The following GPC5 variants were observed in gnomAD, a reference collection of about 807,000 sequenced individuals.
GPC5 encodes the protein glypican-5.
GPC5 carries 47 observed loss-of-function variants against 53.9 expected under a neutral mutation model. The ratio of observed to expected loss-of-function variants is 0.87; its 90% CI spans 0.69 to 1.11. The LOEUF (loss-of-function observed/expected upper bound fraction) is 1.11, where lower values mean the gene tolerates loss of function less well. GPC5 is among the 50% of genes most tolerant of loss of function. GPC5 has a pLI of 0.00. For synonymous variants in GPC5, 286 were observed against 263.3 expected (o/e 1.09, Z -0.84); for missense variants, 748 against 713.1 (o/e 1.05, Z -0.56).
At chr13:92,732,869 T>A (rs1307870343) in intron 7 of GPC5, among the ~76,000 whole-genome samples, 1 of 151,690 alleles carries the variant, frequency 6.6e-6, no homozygotes, top group Non-Finnish European at 1.5e-5. Context: ...TAATTCCTGA[T>A]GTGATCATTT....
At chr13:92,518,576 C>G (rs1391759591) in intron 7 of GPC5, among the ~76,000 whole-genome samples, 1 of 152,142 alleles carries the variant, frequency 6.6e-6, no homozygotes, top group African/African-American at 2.4e-5. Flanking sequence ...CAAGCAAATG[C>G]TGAGAGATTT....
chr13:92,192,448 T>G (rs1304867802), intron 7 of GPC5, among the ~76,000 whole-genome samples: 1 of 152,208 alleles, frequency 6.6e-6, no homozygotes, highest in African/African-American at 2.4e-5. Context: ...AAGGAAATTA[T>G]CCAACATTTT....
intron 7 of GPC5, among the ~76,000 whole-genome samples, chr13:92,473,304 T>C (rs1594231667): frequency 6.6e-6 from 1 of 152,106 alleles, no homozygotes; most frequent in Non-Finnish European, 1.5e-5. Context: ...TCAGGAGTTA[T>C]GGGTTGCAAT....
intron 2 of GPC5, among the ~76,000 whole-genome samples, chr13:91,658,650 A>G (rs957098037): frequency 6.6e-6 from 1 of 152,154 alleles, no homozygotes; most frequent in Non-Finnish European, 1.5e-5. Flanking sequence ...TTTCTGACTA[A>G]TATAATTACT....
At chr13:91,867,458 CAT>C (rs2039097598) in intron 5 of GPC5, among the ~76,000 whole-genome samples, 1 of 152,136 alleles carries the variant, frequency 6.6e-6, no homozygotes, top group Non-Finnish European at 1.5e-5. Flanking sequence ...CTTACTAAAA[CAT>C]AGAAAAGAAA....
chr13:92,556,313 A>T (rs1412216912), intron 7 of GPC5, among the ~76,000 whole-genome samples: 1 of 151,872 alleles, frequency 6.6e-6, no homozygotes, highest in Non-Finnish European at 1.5e-5. Flanking sequence ...GCAGGAGACT[A>T]AACATTTAGA....
chr13:92,645,306 G>A (rs1219038925), intron 7 of GPC5, among the ~76,000 whole-genome samples: 1 of 151,992 alleles, frequency 6.6e-6, no homozygotes, highest in Non-Finnish European at 1.5e-5. Context: ...CACCATGCCT[G>A]GCTAATTTCT....
chr13:91,799,799 A>G (rs1287277888), intron 5 of GPC5, among the ~76,000 whole-genome samples: 2 of 152,228 alleles, frequency 1.3e-5, no homozygotes, highest in East Asian at 3.8e-4. Flanking sequence ...CAGTTTGAGA[A>G]CAAACTCAGT....
At chr13:92,104,784 CAG>C (rs2041495067) in intron 6 of GPC5, among the ~76,000 whole-genome samples, 1 of 152,090 alleles carries the variant, frequency 6.6e-6, no homozygotes, top group Non-Finnish European at 1.5e-5. Flanking sequence ...CTTTGTGCCT[CAG>C]AGGTCCTTAC....
At chr13:91,557,444 C>T (rs1474421392) in intron 2 of GPC5, among the ~76,000 whole-genome samples, 1 of 152,112 alleles carries the variant, frequency 6.6e-6, no homozygotes. Context: ...GTACCTGCCT[C>T]TAAGCTTCAT....
chr13:91,861,459 G>A (rs946352428), intron 5 of GPC5, among the ~76,000 whole-genome samples: 6 of 151,938 alleles, frequency 3.9e-5, no homozygotes, highest in South Asian at 2.1e-4. Flanking sequence ...ATAATTATGA[G>A]ATGCCCCCAT....
chr13:92,444,056 T>A (rs1021797029), intron 7 of GPC5, among the ~76,000 whole-genome samples: 7 of 152,084 alleles, frequency 4.6e-5, no homozygotes, highest in Non-Finnish European at 8.8e-5. Context: ...TTGAAGGTAA[T>A]AATGGAGTTT....
At position 92,032,713 on chromosome 13, in the gene GPC5, A is replaced by T. The variant is rs1430918781; in HGVS notation, c.1402-112117A>T. Among the ~76,000 whole-genome samples, 3 of 152,162 alleles carry T rather than the reference A, an allele frequency of 2.0e-5. No individual in the cohort carries two copies. In the East Asian group the frequency reaches 5.8e-4, roughly 29 times the overall value. ...CACAAATTTGTACCACTATAAATTC[A>T]ATGCCCTCTCTGTCCTCTTACCAGA... On this transcript the variant is annotated intron_variant, in intron 6 of 7. Coordinates refer to ENST00000377067, the MANE Select transcript of GPC5 (RefSeq NM_004466.6).
At chr13:91,741,438 C>T (rs2036931338) in intron 4 of GPC5, among the ~76,000 whole-genome samples, 1 of 151,896 alleles carries the variant, frequency 6.6e-6, no homozygotes, top group African/African-American at 2.4e-5. Context: ...ATGTCACTGT[C>T]AACTAAAGTA....
At chr13:91,477,763 C>A (rs1216012848) in intron 2 of GPC5, among the ~76,000 whole-genome samples, 1 of 152,136 alleles carries the variant, frequency 6.6e-6, no homozygotes, top group Non-Finnish European at 1.5e-5. Context: ...AGCGGGCAAC[C>A]ATGTGAAATG....
intron 7 of GPC5, among the ~76,000 whole-genome samples, chr13:92,399,216 A>T (rs1015768355): frequency 1.3e-5 from 2 of 152,218 alleles, no homozygotes; most frequent in South Asian, 2.1e-4. Flanking sequence ...GGTTACAGAG[A>T]TGAATAAATT....
In GPC5 at chr13:91,950,724, T is replaced by C. The variant is rs547013348; in HGVS notation, c.1401+42667T>C. 3.7e-4 allele frequency among the ~76,000 whole-genome samples: 57 copies of C among 152,316 alleles called. 1 individual carries two copies. The highest frequency in any genetic ancestry group is 1.3e-3 in the African/African-American group (53 of 41,574). ...CTGCGCTTTCTACTGTTGATGCTAG[T>C]GAATGTTTTTAGTATTTGCTATATG... On this transcript the variant is annotated intron_variant, in intron 6 of 7. Transcript: ENST00000377067.
chr13:92,826,744 T>C (rs1324938299), intron 7 of GPC5, among the ~76,000 whole-genome samples: 1 of 152,152 alleles, frequency 6.6e-6, no homozygotes, highest in Non-Finnish European at 1.5e-5. Flanking sequence ...TTACCAGCAT[T>C]AACGTATCTC....
At chr13:91,514,021 A>C (rs1885370390) in intron 2 of GPC5, among the ~76,000 whole-genome samples, 1 of 152,214 alleles carries the variant, frequency 6.6e-6, no homozygotes, top group South Asian at 2.1e-4. Context: ...GCATAGATAC[A>C]TCACTTTTCG....
Sources: gnomAD v4.1 joint callset for allele counts (sites outside exome capture counted in the v4.1 genomes callset) on GRCh38, gnomAD v4.1.1 for gene constraint, MANE v1.5 for transcripts, NCBI Gene and HGNC (gene_info 2026-07-23, HGNC 2026-07-21) for gene names.